The following ZFPM2 variants were observed in gnomAD, a reference collection of about 807,000 sequenced individuals.
ZFPM2 encodes zinc finger protein, FOG family member 2, also known as zinc finger protein ZFPM2.
In ZFPM2, 20 loss-of-function variants were observed where a neutral mutation model predicts 98.6. The observed-to-expected ratio is 0.20, with a 90% CI of 0.14 to 0.29. The LOEUF is 0.29. Among genes scored for constraint, ZFPM2 ranks in the 10% least tolerant of loss-of-function variants. ZFPM2 has a pLI of 1.00. For missense variants in ZFPM2, 1,310 were observed against 1,388.6 expected, an observed-to-expected ratio of 0.94 and a Z score of 0.90; for synonymous variants, 518 against 502.7, an observed-to-expected ratio of 1.03 and a Z score of -0.41.
intron 4 of ZFPM2, among the ~76,000 whole-genome samples, chr8:105,624,095 A>G (rs1213576739): frequency 1.3e-5 from 2 of 152,216 alleles, no homozygotes; most frequent in African/African-American, 4.8e-5. Flanking sequence ...ATCTTAACAG[A>G]GAAGGAAGCT....
intron 4 of ZFPM2, among the ~76,000 whole-genome samples, chr8:105,582,906 T>C (rs143518440): frequency 6.6e-6 from 1 of 152,204 alleles, no homozygotes; most frequent in East Asian, 1.9e-4. Flanking sequence ...TTTTCAGTTT[T>C]TAGTGTGACA....
At chr8:105,499,541 G>A (rs992305937) in intron 3 of ZFPM2, among the ~76,000 whole-genome samples, 10 of 152,154 alleles carry the variant, frequency 6.6e-5, no homozygotes, top group Non-Finnish European at 1.3e-4. Context: ...GTATCTGAAC[G>A]TGAAGGAGGA....
At chr8:105,511,353 C>A (rs1187030834) in intron 3 of ZFPM2, among the ~76,000 whole-genome samples, 3 of 152,242 alleles carry the variant, frequency 2.0e-5, no homozygotes, top group Admixed American at 2.0e-4. Flanking sequence ...GTTGTTCTCT[C>A]TTTACAGCCT....
At chr8:105,387,618 C>T (rs1187578363) in intron 1 of ZFPM2, 1 of 152,492 alleles carries the variant, frequency 6.6e-6, no homozygotes, top group Non-Finnish European at 1.5e-5. Context: ...CCACCCGGAA[C>T]TGGCACTGAC....
intron 2 of ZFPM2, among the ~76,000 whole-genome samples, chr8:105,420,157 G>A (rs1389008554): frequency 6.6e-5 from 10 of 152,128 alleles, no homozygotes; most frequent in Admixed American, 3.9e-4. Context: ...GTCTGTGTTT[G>A]TGTATGCACC....
intron 5 of ZFPM2, among the ~76,000 whole-genome samples, chr8:105,666,913 T>G (rs1257782987): frequency 1.3e-5 from 2 of 152,228 alleles, no homozygotes; most frequent in Non-Finnish European, 2.9e-5. Flanking sequence ...TCTTTAATAT[T>G]CCATGTGACA....
intron 3 of ZFPM2, among the ~76,000 whole-genome samples, chr8:105,543,559 A>G (rs1814626115): frequency 1.3e-5 from 2 of 152,136 alleles, no homozygotes; most frequent in Non-Finnish European, 1.5e-5. Context: ...CCTTATTTCT[A>G]TATTTGTAAG....
intron 4 of ZFPM2, among the ~76,000 whole-genome samples, chr8:105,567,932 A>T (rs555787159): frequency 6.6e-6 from 1 of 152,164 alleles, no homozygotes; most frequent in African/African-American, 2.4e-5. Context: ...TGATGTTGAC[A>T]TTGTGAATGA....
intron 5 of ZFPM2, among the ~76,000 whole-genome samples, chr8:105,731,179 AACC>A (rs2131014388): frequency 6.6e-6 from 1 of 151,856 alleles, no homozygotes; most frequent in South Asian, 2.1e-4. Flanking sequence ...GCAGGATAAA[AACC>A]ACCAAGTTAT....
At chr8:105,648,921 A>G (rs1006628488) in intron 5 of ZFPM2, among the ~76,000 whole-genome samples, 2 of 152,140 alleles carry the variant, frequency 1.3e-5, no homozygotes, top group Admixed American at 6.5e-5. Flanking sequence ...GAAGACAGTC[A>G]TTGGTAGCTT....
intron 3 of ZFPM2, among the ~76,000 whole-genome samples, chr8:105,449,059 A>G (rs1206630386): frequency 2.6e-5 from 4 of 152,038 alleles, no homozygotes; most frequent in African/African-American, 9.7e-5. Flanking sequence ...ATCTACCTTT[A>G]TGAAACAAGC....
intron 3 of ZFPM2, among the ~76,000 whole-genome samples, chr8:105,515,833 A>G (rs923400706): frequency 2.5e-4 from 38 of 151,626 alleles, no homozygotes; most frequent in African/African-American, 9.0e-4. Flanking sequence ...AAATATGAAC[A>G]TTAACTCTGA....
intron 1 of ZFPM2, among the ~76,000 whole-genome samples, chr8:105,361,338 ATTTG>A (rs1440476447): frequency 6.7e-6 from 1 of 148,322 alleles, no homozygotes; most frequent in Non-Finnish European, 1.5e-5. Flanking sequence ...TTTCTTGTAA[ATTTG>A]TTTGAGTTCA....
intron 4 of ZFPM2, among the ~76,000 whole-genome samples, chr8:105,611,700 AT>A (rs567136494): frequency 1.3e-3 from 180 of 143,428 alleles, no homozygotes; most frequent in Middle Eastern, 7.4e-3. Context: ...ACAAAAAAAA[AT>A]TTTTTTTTTT....
intron 5 of ZFPM2, among the ~76,000 whole-genome samples, chr8:105,705,998 A>G (rs945122701): frequency 6.6e-6 from 1 of 152,152 alleles, no homozygotes; most frequent in African/African-American, 2.4e-5. Context: ...GCACCATACG[A>G]TTTATATATT....
chr8:105,493,041 T>A (rs1204954346), intron 3 of ZFPM2, among the ~76,000 whole-genome samples: 3 of 152,202 alleles, frequency 2.0e-5, no homozygotes, highest in Admixed American at 6.5e-5. Context: ...ACTTCCCCAC[T>A]GTGGAAGCAG....
Position 105,802,395 on chromosome 8 carries a change from C to G in ZFPM2, c.2313C>G (p.Thr771=). 6.2e-7 allele frequency: 1 copy of G among 1,613,732 alleles called. No individual in the cohort carries two copies. Among genetic ancestry groups the G allele is most frequent in the South Asian group, 1.1e-5 (1 of 91,068 alleles). The change falls in exon 8 of 8, where the codon ACC becomes ACG. Residue 771 remains threonine (T), a synonymous_variant. Transcript: ENST00000407775. ...LDVANLNNPC[T]STQEPTEGLG... ...TAGCCAACCTCAATAATCCTTGTAC[C>G]TCCACTCAAGAACCCACAGAAGGGC...
At chr8:105,385,451 AAACGTCAAGCT>A (rs1810969370) in intron 1 of ZFPM2, among the ~76,000 whole-genome samples, 1 of 152,234 alleles carries the variant, frequency 6.6e-6, no homozygotes, top group Admixed American at 6.5e-5. Flanking sequence ...GCTTAGAGAC[AAACGTCAAGCT>A]AGCTATTGCC....
At chr8:105,683,680 A>C (rs1255335276) in intron 5 of ZFPM2, among the ~76,000 whole-genome samples, 2 of 152,114 alleles carry the variant, frequency 1.3e-5, no homozygotes, top group African/African-American at 4.8e-5. Flanking sequence ...CTTCTGATTT[A>C]TTCTTCATCA....
Sources: gnomAD v4.1 joint callset for allele counts (sites outside exome capture counted in the v4.1 genomes callset) on GRCh38, gnomAD v4.1.1 for gene constraint, MANE v1.5 for transcripts, NCBI Gene and HGNC (gene_info 2026-07-23, HGNC 2026-07-21) for gene names.